CDK19: variants seen among roughly 807,000 people sequenced by gnomAD.
The protein encoded by CDK19 is cyclin dependent kinase 19.
CDK19 carries 20 observed loss-of-function variants against 68.3 expected under a neutral mutation model. The ratio of observed to expected loss-of-function variants is 0.29; its 90% CI spans 0.21 to 0.43. The LOEUF (loss-of-function observed/expected upper bound fraction) is 0.43, where lower values mean the gene tolerates loss of function less well. CDK19 is among the 20% of genes least tolerant of loss of function. CDK19 has a pLI of 1.00. For synonymous variants in CDK19, 221 were observed against 222.8 expected (o/e 0.99, Z 0.07); for missense variants, 339 against 623.5 (o/e 0.54, Z 4.86).
intron 4 of CDK19, among the ~76,000 whole-genome samples, chr6:110,655,880 T>C (rs1781281723): frequency 6.6e-6 from 1 of 152,226 alleles, no homozygotes; most frequent in Non-Finnish European, 1.5e-5. Context: ...TCCACACTTC[T>C]AAACAGGACA....
At chr6:110,646,343 C>T in intron 4 of CDK19, 2 of 1,466,262 alleles carry the variant, frequency 1.4e-6, no homozygotes, top group Non-Finnish European at 1.8e-6. Flanking sequence ...ACGGCATGCA[C>T]TTCGAGTGCC....
intron 1 of CDK19, among the ~76,000 whole-genome samples, chr6:110,807,572 G>A (rs910938491): frequency 2.0e-5 from 3 of 152,060 alleles, no homozygotes; most frequent in African/African-American, 7.2e-5. Flanking sequence ...CAATTATTGT[G>A]CCTTAGCCTC....
intron 2 of CDK19, among the ~76,000 whole-genome samples, chr6:110,734,520 G>GCTATCTCTCTCTCTCT (rs1554214774): frequency 1.2e-5 from 1 of 85,734 alleles, no homozygotes; most frequent in Non-Finnish European, 2.3e-5. Context: ...GGTGAGCACT[G>GCTATCTCTCTCTCTCT]CTCTCTCTCT....
At chr6:110,805,682 G>C (rs138547977) in intron 1 of CDK19, among the ~76,000 whole-genome samples, 329 of 151,910 alleles carry the variant, frequency 2.2e-3, no homozygotes, top group African/African-American at 7.4e-3. Context: ...ACAGTCAACT[G>C]TACACAATTT....
intron 2 of CDK19, among the ~76,000 whole-genome samples, chr6:110,700,365 T>C (rs1417521336): frequency 6.6e-6 from 1 of 152,114 alleles, no homozygotes; most frequent in African/African-American, 2.4e-5. Flanking sequence ...TGTGAAAAAA[T>C]TGTCTCCACA....
At chr6:110,804,060 C>A (rs1782509788) in intron 1 of CDK19, among the ~76,000 whole-genome samples, 1 of 152,170 alleles carries the variant, frequency 6.6e-6, no homozygotes, top group Admixed American at 6.6e-5. Flanking sequence ...AAACCATGGA[C>A]TTACCTTTCT....
chr6:110,790,857 T>C (rs1781542461), intron 1 of CDK19, among the ~76,000 whole-genome samples: 2 of 152,222 alleles, frequency 1.3e-5, no homozygotes, highest in Non-Finnish European at 2.9e-5. Flanking sequence ...GGTACATGTA[T>C]ACAGACTATA....
chr6:110,667,215 A>G (rs1307626130), intron 4 of CDK19, among the ~76,000 whole-genome samples: 1 of 152,232 alleles, frequency 6.6e-6, no homozygotes, highest in African/African-American at 2.4e-5. Context: ...GATATTTTAC[A>G]GCTATGCATA....
intron 4 of CDK19, among the ~76,000 whole-genome samples, chr6:110,647,101 C>T (rs1338054901): frequency 2.0e-5 from 3 of 152,130 alleles, no homozygotes; most frequent in Non-Finnish European, 2.9e-5. Flanking sequence ...GACCCCTGCA[C>T]TCCCCTCTAT....
At chr6:110,670,576 G>T in intron 2 of CDK19, 35 bp from the exon 3 acceptor site, 3 of 1,224,542 alleles carry the variant, frequency 2.4e-6, no homozygotes, top group Middle Eastern at 1.9e-4. Flanking sequence ...TCACTGTTGT[G>T]TTAGCAAGGA....
At chr6:110,674,154 C>G (rs1460400457) in intron 2 of CDK19, among the ~76,000 whole-genome samples, 1 of 152,194 alleles carries the variant, frequency 6.6e-6, no homozygotes, top group African/African-American at 2.4e-5. Context: ...TGAAGCATCA[C>G]AAATTGCACC....
chr6:110,746,210 A>C lies in CDK19; in HGVS notation c.129-9T>G. 1 of 1,534,394 alleles carries C rather than the reference A, an allele frequency of 6.5e-7. No individual in the cohort carries two copies. Among genetic ancestry groups the C allele is most frequent in the Middle Eastern group, 1.7e-4 (1 of 5,910 alleles). ...ATTCCTTTTCATCTTTTCTGCACATAAACAAAAAAACATCATTTTTCCATA... is the reference window on the plus strand; with the variant it reads ...ATTCCTTTTCATCTTTTCTGCACATCAACAAAAAAACATCATTTTTCCATA... On this transcript the variant is annotated splice_polypyrimidine_tract_variant and intron_variant, in intron 1 of 12. Coordinates refer to ENST00000368911, the MANE Select transcript of CDK19 (RefSeq NM_015076.5).
At chr6:110,773,154 G>A (rs1271528549) in intron 1 of CDK19, among the ~76,000 whole-genome samples, 1 of 151,876 alleles carries the variant, frequency 6.6e-6, no homozygotes, top group African/African-American at 2.4e-5. Context: ...AGACCATCCT[G>A]GCCAACATGG....
chr6:110,741,172 G>C (rs559162711), intron 2 of CDK19, among the ~76,000 whole-genome samples: 1 of 152,162 alleles, frequency 6.6e-6, no homozygotes, highest in South Asian at 2.1e-4. Flanking sequence ...AATGATGACT[G>C]TGGTGGGGTG....
At chr6:110,645,925 TG>T in intron 4 of CDK19, 1 of 1,013,230 alleles carries the variant, frequency 9.9e-7, no homozygotes. Flanking sequence ...GGACAGCAGG[TG>T]CAGGAGAGCC....
chr6:110,811,833 C>A (rs1381726450), intron 1 of CDK19, among the ~76,000 whole-genome samples: 2 of 151,632 alleles, frequency 1.3e-5, no homozygotes, highest in South Asian at 2.1e-4. Context: ...CACAGCAAGA[C>A]CCTGTCTGTA....
intron 1 of CDK19, among the ~76,000 whole-genome samples, chr6:110,781,088 A>C (rs948536161): frequency 2.6e-5 from 4 of 152,156 alleles, no homozygotes; most frequent in African/African-American, 7.2e-5. Context: ...GTATTAGTCC[A>C]TTTTGCGTTG....
chr6:110,761,345 C>G (rs957033544), intron 1 of CDK19, among the ~76,000 whole-genome samples: 1 of 152,060 alleles, frequency 6.6e-6, no homozygotes, highest in African/African-American at 2.4e-5. Flanking sequence ...TGGCTATAGT[C>G]TAAATTAGGA....
chr6:110,713,969 A>T (rs1448169983), intron 2 of CDK19, among the ~76,000 whole-genome samples: 1 of 152,252 alleles, frequency 6.6e-6, no homozygotes, highest in East Asian at 1.9e-4. Context: ...ACCATTTTAA[A>T]GTATGGAATT....
Sources: allele counts gnomAD v4.1 joint callset (sites outside exome capture counted in the v4.1 genomes callset), GRCh38; gene constraint gnomAD v4.1.1; transcripts MANE v1.5; gene names NCBI Gene and HGNC (gene_info 2026-07-23, HGNC 2026-07-21).